Variants in EPB41 observed in about 807,000 individuals in gnomAD.
EPB41 encodes the protein protein 4.1.
A neutral mutation model predicts 108.0 loss-of-function variants in EPB41; 65 were observed. That is an observed-to-expected ratio of 0.60 (90% CI 0.49 to 0.74). The LOEUF is 0.74. Among genes scored for constraint, EPB41 ranks in the 30% least tolerant of loss-of-function variants. The pLI is 0.00. For synonymous variants in EPB41, 336 were observed against 358.9 expected, an observed-to-expected ratio of 0.94 and a Z score of 0.72; for missense variants, 875 against 1,037.0, an observed-to-expected ratio of 0.84 and a Z score of 2.15.
chr1:29,055,373 C>T (rs1331697150), intron 12 of EPB41, among the ~76,000 whole-genome samples: 2 of 152,148 alleles, frequency 1.3e-5, no homozygotes, highest in Admixed American at 6.5e-5. Context: ...TCTGCTGACT[C>T]ACTTTTTCTC....
intron 4 of EPB41, among the ~76,000 whole-genome samples, chr1:29,005,652 A>G (rs1223403322): frequency 6.6e-6 from 1 of 152,184 alleles, no homozygotes; most frequent in Non-Finnish European, 1.5e-5. Flanking sequence ...GGACACCCAC[A>G]TGGATGGGGA....
intron 1 of EPB41, among the ~76,000 whole-genome samples, chr1:28,905,650 A>T (rs560848158): frequency 6.6e-6 from 1 of 152,196 alleles, no homozygotes; most frequent in African/African-American, 2.4e-5. Context: ...CTGTGAGAAA[A>T]TAAATTTCTG....
chr1:29,003,390 G>A (rs1464696369), intron 4 of EPB41, among the ~76,000 whole-genome samples: 2 of 152,208 alleles, frequency 1.3e-5, no homozygotes, highest in Non-Finnish European at 2.9e-5. Context: ...TACTCCTGTA[G>A]CTCCTTGCCT....
intron 1 of EPB41, chr1:28,902,348 G>A: frequency 6.1e-6 from 6 of 985,308 alleles, no homozygotes; most frequent in Non-Finnish European, 7.2e-6. Flanking sequence ...AGTTGGGGCT[G>A]TTTGGCTGTT....
Position 29,036,676 on chromosome 1 carries a change from A to AT in EPB41, c.1463+770dup, listed in dbSNP as rs201679138. 9.8e-3 allele frequency among the ~76,000 whole-genome samples: 1,142 copies of AT among 116,082 alleles called. 17 individuals are homozygous for AT. Among genetic ancestry groups the AT allele is most frequent in the African/African-American group, 0.026 (853 of 32,382 alleles). The allele number at this position is 116,082 out of a possible 152,430, so 76.2% of individuals were successfully genotyped here. On this transcript the variant is annotated intron_variant, in intron 10 of 20. Transcript: ENST00000343067. ...CTATAAGGTTAAAGATGTGAAGCTGATTTTTTTTTTTTTTTTTCGAGACAG... is the reference window on the plus strand; with the variant it reads ...CTATAAGGTTAAAGATGTGAAGCTGATTTTTTTTTTTTTTTTTTCGAGACAG...
chr1:28,996,324 G>C (rs1449974321), intron 3 of EPB41, among the ~76,000 whole-genome samples: 1 of 152,146 alleles, frequency 6.6e-6, no homozygotes, highest in African/African-American at 2.4e-5. Flanking sequence ...ATTATTCCTA[G>C]CACCACTGAA....
intron 1 of EPB41, among the ~76,000 whole-genome samples, chr1:28,898,839 A>T (rs1229257145): frequency 6.6e-6 from 1 of 152,216 alleles, no homozygotes; most frequent in Non-Finnish European, 1.5e-5. Context: ...GGCCAAAGCC[A>T]GCAGCAGCCT....
chr1:28,927,116 G>C (rs2093488452), intron 1 of EPB41, among the ~76,000 whole-genome samples: 1 of 152,174 alleles, frequency 6.6e-6, no homozygotes. Flanking sequence ...TTTGAGTTGG[G>C]AGGGTGTTTT....
At chr1:29,012,471 C>T (rs981668176) in intron 5 of EPB41, among the ~76,000 whole-genome samples, 3 of 152,142 alleles carry the variant, frequency 2.0e-5, no homozygotes, top group Non-Finnish European at 4.4e-5. Flanking sequence ...TGGCTTTGCT[C>T]CTAGCTCTAA....
chr1:29,074,676 A>G (rs998681714), intron 16 of EPB41, among the ~76,000 whole-genome samples: 6 of 152,248 alleles, frequency 3.9e-5, no homozygotes, highest in Admixed American at 2.6e-4. Context: ...ATCAACAATT[A>G]TAAATTCATG....
intron 1 of EPB41, among the ~76,000 whole-genome samples, chr1:28,897,806 TA>T (rs1170904341): frequency 1.3e-5 from 2 of 152,126 alleles, no homozygotes; most frequent in Non-Finnish European, 2.9e-5. Context: ...GATTCAGTGA[TA>T]AAATACAACT....
Position 29,092,216 on chromosome 1 carries a change from G to A in EPB41, c.2185-5591G>A, listed in dbSNP as rs143025353. 3.7e-3 allele frequency among the ~76,000 whole-genome samples: 550 copies of A among 149,764 alleles called. 6 individuals carry two copies. The highest frequency in any genetic ancestry group is 0.012 in the African/African-American group (509 of 40,800). On this transcript the variant is annotated intron_variant, in intron 16 of 20. Coordinates refer to ENST00000343067, the MANE Select transcript of EPB41 (RefSeq NM_001376013.1). ...AGGTTCAAGCAGTTCTCCTGCCTCA[G>A]CCTCCCGAGTAGCTGGGATTACAGG...
intron 1 of EPB41, among the ~76,000 whole-genome samples, chr1:28,931,372 T>C (rs1483498259): frequency 1.0e-5 from 1 of 98,896 alleles, no homozygotes; most frequent in Non-Finnish European, 2.1e-5. Flanking sequence ...ACTCTGTCAT[T>C]AAAAAAAAAA....
intron 16 of EPB41, among the ~76,000 whole-genome samples, chr1:29,092,877 A>G (rs1488512884): frequency 6.6e-6 from 1 of 152,174 alleles, no homozygotes; most frequent in Non-Finnish European, 1.5e-5. Flanking sequence ...TGCAAAGGAC[A>G]TGAGCTCGTT....
At chr1:29,002,019 C>T (rs1476472766) in intron 4 of EPB41, among the ~76,000 whole-genome samples, 1 of 152,104 alleles carries the variant, frequency 6.6e-6, no homozygotes, top group South Asian at 2.1e-4. Context: ...TTGCCACATA[C>T]TAGTTGCAAG....
At chr1:28,889,876 T>C (rs573869632) in intron 1 of EPB41, 1 of 981,332 alleles carries the variant, frequency 1.0e-6, no homozygotes, top group African/African-American at 1.7e-5. Flanking sequence ...AACAGGATAC[T>C]CACAGAGGGC....
intron 19 of EPB41, among the ~76,000 whole-genome samples, chr1:29,114,049 A>G (rs1476199704): frequency 6.6e-6 from 1 of 152,212 alleles, no homozygotes; most frequent in Non-Finnish European, 1.5e-5. Flanking sequence ...AATGCCATTC[A>G]TAGAGCCAGG....
chr1:28,963,021 C>G (rs1171725008), intron 1 of EPB41, among the ~76,000 whole-genome samples: 3 of 151,842 alleles, frequency 2.0e-5, no homozygotes, highest in Non-Finnish European at 2.9e-5. Context: ...TTTTAGATAT[C>G]TTTGCATTCT....
intron 1 of EPB41, among the ~76,000 whole-genome samples, chr1:28,952,909 A>G (rs970920465): frequency 6.6e-6 from 1 of 152,114 alleles, no homozygotes; most frequent in South Asian, 2.1e-4. Flanking sequence ...TTTGTATTTT[A>G]GTAGAGATGG....
Sources: allele counts gnomAD v4.1 joint callset (sites outside exome capture counted in the v4.1 genomes callset), GRCh38; gene constraint gnomAD v4.1.1; transcripts MANE v1.5; gene names NCBI Gene and HGNC (gene_info 2026-07-23, HGNC 2026-07-21).